GRIK1: variants seen among roughly 807,000 people sequenced by gnomAD.
GRIK1 encodes the protein glutamate ionotropic receptor kainate type subunit 1.
In GRIK1, 69 loss-of-function variants were observed where a neutral mutation model predicts 105.7. That is an observed-to-expected ratio of 0.65 (90% CI 0.54 to 0.80). The LOEUF is 0.80. Ranked by LOEUF, GRIK1 falls within the 30% of genes least tolerant of loss-of-function variation. The pLI, the probability that GRIK1 is intolerant of heterozygous loss-of-function variation, is 0.00. For missense variants in GRIK1, 1,109 were observed against 1,167.3 expected, an observed-to-expected ratio of 0.95 and a Z score of 0.73; for synonymous variants, 438 against 431.3, an observed-to-expected ratio of 1.02 and a Z score of -0.19.
intron 1 of GRIK1, among the ~76,000 whole-genome samples, chr21:29,775,445 G>A (rs1224371769): frequency 6.6e-6 from 1 of 152,132 alleles, no homozygotes; most frequent in Admixed American, 6.5e-5. Context: ...CAGCTACCAA[G>A]GAGCTCAGTT....
chr21:29,826,499 C>T (rs1024478959), intron 1 of GRIK1, among the ~76,000 whole-genome samples: 1 of 152,032 alleles, frequency 6.6e-6, no homozygotes, highest in Non-Finnish European at 1.5e-5. Flanking sequence ...AAAAGACTGA[C>T]CCCCTTGAGC....
At chr21:29,930,677 A>G (rs956357190) in intron 1 of GRIK1, among the ~76,000 whole-genome samples, 15 of 152,226 alleles carry the variant, frequency 9.9e-5, no homozygotes, top group African/African-American at 3.6e-4. Flanking sequence ...ATAATAGTTG[A>G]AGACCAAGAT....
intron 15 of GRIK1, 117 bp downstream of exon 15, chr21:29,561,507 A>T: frequency 1.5e-6 from 1 of 655,560 alleles, no homozygotes. Flanking sequence ...TTATTAGTTC[A>T]CTAATGGCAT....
At chr21:29,772,755 G>C (rs2065844196) in intron 1 of GRIK1, among the ~76,000 whole-genome samples, 1 of 152,182 alleles carries the variant, frequency 6.6e-6, no homozygotes, top group South Asian at 2.1e-4. Context: ...CAACAAATTA[G>C]GCAGAAGCAG....
At chr21:29,663,413 A>G (rs772128193) in intron 4 of GRIK1, among the ~76,000 whole-genome samples, 43 of 152,176 alleles carry the variant, frequency 2.8e-4, no homozygotes, top group Non-Finnish European at 5.4e-4. Flanking sequence ...CTCAGCTGTG[A>G]AAGGCCCTTG....
intron 9 of GRIK1, among the ~76,000 whole-genome samples, chr21:29,595,435 A>C (rs1299290227): frequency 6.6e-6 from 1 of 150,474 alleles, no homozygotes; most frequent in East Asian, 1.9e-4. Flanking sequence ...TTCTACATGC[A>C]CTTAGTAGCC....
Position 29,693,984 on chromosome 21 carries a change from G to A in GRIK1, c.198C>T (p.Asn66=). The change falls in exon 2 of 18, where the codon AAC becomes AAT. Residue 66 remains asparagine (N), a synonymous_variant. Transcript: ENST00000327783. ...TGTTAGGCATCAGGGTTCGGTTTCTGTTAATGCTGGTGACTGCAAACTTGA... is the reference window on the plus strand; with the variant it reads ...TGTTAGGCATCAGGGTTCGGTTTCTATTAATGCTGGTGACTGCAAACTTGA... The part of the protein sequence containing the change: ...LAFKFAVTSI[N]RNRTLMPNTT... 1 of 1,611,180 alleles carries A rather than the reference G, an allele frequency of 6.2e-7. No individual in the cohort carries two copies. The highest frequency in any genetic ancestry group is 8.5e-7 in the Non-Finnish European group (1 of 1,177,318).
intron 14 of GRIK1, among the ~76,000 whole-genome samples, chr21:29,571,981 A>G (rs903877633): frequency 6.6e-6 from 1 of 152,142 alleles, no homozygotes; most frequent in Non-Finnish European, 1.5e-5. Flanking sequence ...TAGTTTCCTT[A>G]TTCATTCTAC....
At chr21:29,728,602 C>T (rs1050299362) in intron 1 of GRIK1, among the ~76,000 whole-genome samples, 5 of 152,070 alleles carry the variant, frequency 3.3e-5, no homozygotes, top group Non-Finnish European at 7.4e-5. Context: ...ATCATAATAG[C>T]TTATAAGTGG....
Position 29,809,947 on chromosome 21 carries a change from A to T in GRIK1, c.119-115884T>A, listed in dbSNP as rs528062083. On this transcript the variant is annotated intron_variant, in intron 1 of 17. Transcript: ENST00000327783. ...GTCAGACCACACACAACATTTATCAATTAAGTTAGCTGTCTCATATTGGTG... is the reference window on the plus strand; with the variant it reads ...GTCAGACCACACACAACATTTATCATTTAAGTTAGCTGTCTCATATTGGTG... Among the ~76,000 whole-genome samples, 307 of 152,264 alleles carry T rather than the reference A, an allele frequency of 2.0e-3. 1 individual carries two copies. Among genetic ancestry groups the T allele is most frequent in the Middle Eastern group, 0.017 (5 of 294 alleles).
At chr21:29,774,469 T>A (rs1196017456) in intron 1 of GRIK1, among the ~76,000 whole-genome samples, 1 of 92,148 alleles carries the variant, frequency 1.1e-5, no homozygotes, top group Non-Finnish European at 2.4e-5. Context: ...TTTTTTTTTC[T>A]GAGACGGAGT....
intron 1 of GRIK1, among the ~76,000 whole-genome samples, chr21:29,777,479 G>C (rs757070470): frequency 1.4e-4 from 22 of 152,198 alleles, no homozygotes; most frequent in Non-Finnish European, 2.6e-4. Context: ...TGTGGACAGA[G>C]AGAAAAGGTA....
At chr21:29,876,368 A>G (rs1292104277) in intron 1 of GRIK1, among the ~76,000 whole-genome samples, 2 of 151,990 alleles carry the variant, frequency 1.3e-5, no homozygotes, top group Non-Finnish European at 2.9e-5. Context: ...CATCAAATAC[A>G]TTATTTCTTA....
At chr21:29,572,153 C>T (rs2090764850) in intron 14 of GRIK1, among the ~76,000 whole-genome samples, 1 of 152,078 alleles carries the variant, frequency 6.6e-6, no homozygotes, top group Non-Finnish European at 1.5e-5. Context: ...GGAACTACCC[C>T]GAGAGCAAAA....
At chr21:29,788,886 C>G (rs1351058401) in intron 1 of GRIK1, among the ~76,000 whole-genome samples, 1 of 152,134 alleles carries the variant, frequency 6.6e-6, no homozygotes, top group Non-Finnish European at 1.5e-5. Flanking sequence ...AGGCAGAGCT[C>G]AGGTGGTAAT....
intron 16 of GRIK1, among the ~76,000 whole-genome samples, chr21:29,549,575 G>A (rs2090096922): frequency 6.6e-6 from 1 of 152,172 alleles, no homozygotes; most frequent in African/African-American, 2.4e-5. Context: ...AAGGTCGAGA[G>A]GTAGAGCCTG....
intron 1 of GRIK1, among the ~76,000 whole-genome samples, chr21:29,736,655 ATTTTCT>A (rs777502990): frequency 1.1e-4 from 16 of 149,546 alleles, no homozygotes; most frequent in South Asian, 2.1e-4. Context: ...TGGTCTTCAC[ATTTTCT>A]TTTTCTTTTT....
chr21:29,766,292 C>T (rs1255096464), intron 1 of GRIK1, among the ~76,000 whole-genome samples: 1 of 152,054 alleles, frequency 6.6e-6, no homozygotes, highest in African/African-American at 2.4e-5. Context: ...TGTCTCCACC[C>T]CTAGCTACAT....
chr21:29,842,101 A>C (rs2067999374), intron 1 of GRIK1, among the ~76,000 whole-genome samples: 1 of 152,184 alleles, frequency 6.6e-6, no homozygotes, highest in African/African-American at 2.4e-5. Flanking sequence ...TCTGCCAAAA[A>C]TACGTAATGC....
Sources: gnomAD v4.1 joint callset for allele counts (sites outside exome capture counted in the v4.1 genomes callset) on GRCh38, gnomAD v4.1.1 for gene constraint, MANE v1.5 for transcripts, NCBI Gene and HGNC (gene_info 2026-07-23, HGNC 2026-07-21) for gene names.